The following RAD51B variants were observed in gnomAD, a reference collection of about 807,000 sequenced individuals.
The protein encoded by RAD51B is DNA repair protein RAD51 homolog 2.
A neutral mutation model predicts 42.2 loss-of-function variants in RAD51B; 38 were observed. The ratio of observed to expected loss-of-function variants is 0.90; its 90% CI spans 0.70 to 1.18. The LOEUF (loss-of-function observed/expected upper bound fraction) is 1.18. RAD51B is among the 50% of genes most tolerant of loss of function. The pLI, the probability that RAD51B is intolerant of heterozygous loss-of-function variation, is 0.00. For synonymous variants in RAD51B, 154 were observed against 145.2 expected (o/e 1.06, Z -0.43); for missense variants, 373 against 400.7 (o/e 0.93, Z 0.59).
intron 10 of RAD51B, among the ~76,000 whole-genome samples, chr14:68,629,763 T>TA (rs1229891933): frequency 6.6e-6 from 1 of 152,232 alleles, no homozygotes; most frequent in Non-Finnish European, 1.5e-5. Flanking sequence ...AAAGCATACA[T>TA]ACGTCCTAAG....
intron 10 of RAD51B, among the ~76,000 whole-genome samples, chr14:68,642,838 G>T (rs775184631): frequency 6.6e-6 from 1 of 152,076 alleles, no homozygotes; most frequent in African/African-American, 2.4e-5. Context: ...TTTAAATTTC[G>T]TCTAAGATTT....
intron 1 of RAD51B, chr14:67,822,349 ACTGCATGTGAGAATATAAGCAGC>A (rs2040659469): frequency 6.6e-6 from 1 of 152,138 alleles, no homozygotes. Flanking sequence ...GTGAAATTTA[ACTGCATGTGAGAATATAAGCAGC>A]TAGTGTAATA....
At chr14:68,562,561 T>A (rs1889209714) in intron 10 of RAD51B, 1 of 985,246 alleles carries the variant, frequency 1.0e-6, no homozygotes, top group South Asian at 4.7e-5. Context: ...GCAAACTAAC[T>A]CCTTTTGTGT....
chr14:68,609,533 T>C (rs1891590764), intron 10 of RAD51B, among the ~76,000 whole-genome samples: 1 of 152,122 alleles, frequency 6.6e-6, no homozygotes, highest in African/African-American at 2.4e-5. Context: ...CTTCCATACC[T>C]GGGTGCAAAT....
At chr14:67,966,783 CT>C (rs1171044796) in intron 7 of RAD51B, among the ~76,000 whole-genome samples, 1 of 152,194 alleles carries the variant, frequency 6.6e-6, no homozygotes, top group Non-Finnish European at 1.5e-5. Context: ...TTTTTTGACT[CT>C]GCCCGTAGAT....
At chr14:68,375,796 A>G (rs888019091) in intron 8 of RAD51B, among the ~76,000 whole-genome samples, 1 of 152,082 alleles carries the variant, frequency 6.6e-6, no homozygotes, top group Non-Finnish European at 1.5e-5. Flanking sequence ...TGGCTTGGGG[A>G]GCCTTATTCT....
chr14:68,388,967 TTCCCA>T (rs2083672398), intron 8 of RAD51B, among the ~76,000 whole-genome samples: 1 of 152,238 alleles, frequency 6.6e-6, no homozygotes, highest in Admixed American at 6.5e-5. Flanking sequence ...TGTATTTCTC[TTCCCA>T]TTTTTATGGA....
chr14:68,169,213 C>G (rs1230937477), intron 7 of RAD51B, among the ~76,000 whole-genome samples: 3 of 152,012 alleles, frequency 2.0e-5, no homozygotes, highest in Non-Finnish European at 2.9e-5. Context: ...TCATTTGCTA[C>G]CCTGGGAGAA....
At chr14:68,534,989 G>A (rs1221450371) in intron 10 of RAD51B, among the ~76,000 whole-genome samples, 1 of 152,024 alleles carries the variant, frequency 6.6e-6, no homozygotes, top group Admixed American at 6.6e-5. Context: ...TTATAGATGA[G>A]AACATTGAGG....
At chr14:68,160,490 GC>G (rs1353370242) in intron 7 of RAD51B, among the ~76,000 whole-genome samples, 1 of 152,126 alleles carries the variant, frequency 6.6e-6, no homozygotes, top group Non-Finnish European at 1.5e-5. Flanking sequence ...GTTTTGCAAT[GC>G]CCTGCCAAGT....
chr14:68,557,611 G>A (rs1888921666), intron 10 of RAD51B, among the ~76,000 whole-genome samples: 1 of 152,134 alleles, frequency 6.6e-6, no homozygotes, highest in Non-Finnish European at 1.5e-5. Context: ...GATTTCCCAG[G>A]GTAAGCCCAA....
intron 7 of RAD51B, among the ~76,000 whole-genome samples, chr14:68,015,780 A>C (rs1343058983): frequency 2.0e-5 from 3 of 152,190 alleles, no homozygotes; most frequent in Admixed American, 6.5e-5. Context: ...TATAAAACAA[A>C]TATGTCAAAG....
intron 7 of RAD51B, among the ~76,000 whole-genome samples, chr14:67,988,874 T>C (rs887943834): frequency 6.6e-6 from 1 of 152,252 alleles, no homozygotes; most frequent in African/African-American, 2.4e-5. Context: ...TTGTAATGTA[T>C]AATAACTTCA....
intron 8 of RAD51B, among the ~76,000 whole-genome samples, chr14:68,369,374 A>G (rs1258442449): frequency 1.3e-5 from 2 of 152,176 alleles, no homozygotes; most frequent in Non-Finnish European, 2.9e-5. Context: ...GATTGCGTCC[A>G]CTGAGTTGAA....
chr14:68,321,020 T>G (rs2082148316), intron 8 of RAD51B, among the ~76,000 whole-genome samples: 1 of 152,176 alleles, frequency 6.6e-6, no homozygotes, highest in East Asian at 1.9e-4. Context: ...CCTCCTCTTT[T>G]CTTTTCCTCT....
At chr14:68,037,700 A>G (rs992062956) in intron 7 of RAD51B, among the ~76,000 whole-genome samples, 14 of 152,198 alleles carry the variant, frequency 9.2e-5, no homozygotes, top group Non-Finnish European at 2.1e-4. Context: ...TGTGCCTCCA[A>G]CATCTCCAGT....
chr14:67,975,382 A>G (rs995066133), intron 7 of RAD51B, among the ~76,000 whole-genome samples: 11 of 152,282 alleles, frequency 7.2e-5, no homozygotes, highest in Admixed American at 6.5e-5. Context: ...GCCTAATCAA[A>G]TTTCTGTTGG....
intron 7 of RAD51B, among the ~76,000 whole-genome samples, chr14:68,154,790 T>C (rs965863212): frequency 5.3e-5 from 8 of 152,118 alleles, no homozygotes; most frequent in African/African-American, 1.9e-4. Context: ...TTGTTGGTTG[T>C]TTTAGGTGGT....
intron 11 of RAD51B, among the ~76,000 whole-genome samples, chr14:68,677,157 C>T (rs1893324388): frequency 6.6e-6 from 1 of 152,098 alleles, no homozygotes; most frequent in African/African-American, 2.4e-5. Flanking sequence ...TTCCCATATA[C>T]CATGCTGTTT....
Sources: gnomAD v4.1 joint callset for allele counts (sites outside exome capture counted in the v4.1 genomes callset) on GRCh38, gnomAD v4.1.1 for gene constraint, MANE v1.5 for transcripts, NCBI Gene and HGNC (gene_info 2026-07-23, HGNC 2026-07-21) for gene names.